DHRSX: variants seen among roughly 807,000 people sequenced by gnomAD.
DHRSX encodes the protein polyprenol dehydrogenase.
A neutral mutation model predicts 34.0 loss-of-function variants in DHRSX; 31 were observed. The ratio of observed to expected loss-of-function variants is 0.91; its 90% confidence interval spans 0.69 to 1.23. The LOEUF is 1.23. Among genes scored for constraint, DHRSX ranks in the 50% most tolerant of loss-of-function variants. The pLI is 0.00. For missense variants in DHRSX, 414 were observed against 428.1 expected (o/e 0.97, Z 0.29); for synonymous variants, 201 against 183.8 (o/e 1.09, Z -0.76).
chrX:2,291,721 C>G lies in DHRSX; in HGVS notation c.287-118G>C, dbSNP rs1029749722. On this transcript the variant is annotated intron_variant, in intron 3 of 6. Coordinates refer to ENST00000334651, the MANE Select transcript of DHRSX (RefSeq NM_145177.3). ...CTAGGAAGTAACACTTTTTTTTTTT[C>G]TGCTCTTTTTGAGATGGAGTCTCGC... 7.1e-6 allele frequency: 5 copies of G among 702,752 alleles called. No individual in the cohort carries two copies. The Admixed American group carries it at 1.1e-4, about 16-fold the overall frequency. 43.5% of individuals were successfully genotyped at this position (702,752 alleles called of 1,614,324 possible).
intron 3 of DHRSX, among the ~76,000 whole-genome samples, chrX:2,301,305 T>G (rs1287523744): frequency 2.6e-5 from 4 of 152,114 alleles, no homozygotes; most frequent in African/African-American, 9.7e-5. Context: ...TCCCAGCTAC[T>G]TGGGAGACTG....
At chrX:2,444,128 T>C (rs777342564) in intron 1 of DHRSX, among the ~76,000 whole-genome samples, 48 of 152,232 alleles carry the variant, frequency 3.2e-4, no homozygotes, top group African/African-American at 1.1e-3. Context: ...ATCTAAAATC[T>C]GCTTATTCCA....
intron 2 of DHRSX, among the ~76,000 whole-genome samples, chrX:2,423,802 C>G (rs188582775): frequency 1.9e-4 from 29 of 152,114 alleles, no homozygotes; most frequent in South Asian, 1.7e-3. Context: ...CCTCATATTC[C>G]CAGTTGAAGG....
Position 2,272,232 on chromosome X carries a change from C to T in DHRSX, c.389-5285G>A, listed in dbSNP as rs562006243. On this transcript the variant is annotated intron_variant, in intron 4 of 6. Coordinates refer to ENST00000334651, the MANE Select transcript of DHRSX (RefSeq NM_145177.3). ...TTTGATGAACTATAAACATCTTTTT[C>T]ACGATGCCATTTTCCTCATATTTTA... Among the ~76,000 whole-genome samples the T allele has an allele frequency of 5.3e-5, 8 of 152,164 alleles. 1 individual carries two copies. Among genetic ancestry groups the T allele is most frequent in the African/African-American group, 1.9e-4 (8 of 41,516 alleles).
At chrX:2,336,854 T>C (rs1435786567) in intron 3 of DHRSX, among the ~76,000 whole-genome samples, 6 of 151,836 alleles carry the variant, frequency 4.0e-5, no homozygotes, top group Admixed American at 6.6e-5. Flanking sequence ...TAGATATAGA[T>C]AGATAGATTT....
intron 3 of DHRSX, among the ~76,000 whole-genome samples, chrX:2,363,088 C>T (rs1365080836): frequency 7.3e-5 from 10 of 137,836 alleles, no homozygotes; most frequent in African/African-American, 2.2e-4. Context: ...ATTTTATCAC[C>T]GTTCTATGGT....
At chrX:2,249,757 C>G (rs1360986989) in intron 5 of DHRSX, among the ~76,000 whole-genome samples, 1 of 151,708 alleles carries the variant, frequency 6.6e-6, no homozygotes, top group Non-Finnish European at 1.5e-5. Flanking sequence ...CTCCTGACTT[C>G]AAGTGAACCG....
intron 6 of DHRSX, among the ~76,000 whole-genome samples, chrX:2,231,943 C>T (rs1178520626): frequency 6.7e-6 from 1 of 148,430 alleles, no homozygotes; most frequent in Non-Finnish European, 1.5e-5. Flanking sequence ...TTCCTCTTCT[C>T]TCCTCCTTCT....
In DHRSX at chrX:2,249,513, C is replaced by CTTTTT. The variant is rs753035485; in HGVS notation, c.597-6288_597-6284dup. ...CCACCACGCTCAGCCCTTTTTGTGC[C>CTTTTT]TTTTTTTTTTTTTTTTTTTTTTTTT... On this transcript the variant is annotated intron_variant, in intron 5 of 6. Transcript: ENST00000334651. Among the ~76,000 whole-genome samples, 72 of 70,190 alleles carry CTTTTT rather than the reference C, an allele frequency of 1.0e-3. 5 individuals are homozygous for CTTTTT. The highest frequency in any genetic ancestry group is 3.2e-3 in the African/African-American group (67 of 21,064). The allele number at this position is 70,190 out of a possible 152,430, so 46.0% of individuals were successfully genotyped here.
chrX:2,454,777 G>A (rs1437110184), intron 1 of DHRSX, among the ~76,000 whole-genome samples: 1 of 152,082 alleles, frequency 6.6e-6, no homozygotes, highest in African/African-American at 2.4e-5. Context: ...GATAAAGAAA[G>A]GTGGGAGCAT....
intron 5 of DHRSX, among the ~76,000 whole-genome samples, chrX:2,252,954 G>A (rs1031058528): frequency 2.0e-5 from 3 of 152,214 alleles, no homozygotes; most frequent in Admixed American, 1.3e-4. Flanking sequence ...GGGACACTAA[G>A]GCAGGCAGGT....
intron 3 of DHRSX, among the ~76,000 whole-genome samples, chrX:2,407,013 C>T (rs1230045259): frequency 6.6e-6 from 1 of 152,108 alleles, no homozygotes; most frequent in Non-Finnish European, 1.5e-5. Flanking sequence ...ATGGAAACAA[C>T]CTAGGTGTCC....
chrX:2,259,217 G>A (rs1419816806), intron 5 of DHRSX, among the ~76,000 whole-genome samples: 1 of 151,316 alleles, frequency 6.6e-6, no homozygotes, highest in Non-Finnish European at 1.5e-5. Context: ...AGGTTGCAGT[G>A]AGCCGAGATC....
chrX:2,438,654 C>CAAGA (rs1436608081), intron 1 of DHRSX, among the ~76,000 whole-genome samples: 5 of 130,694 alleles, frequency 3.8e-5, no homozygotes, highest in Non-Finnish European at 6.3e-5. Flanking sequence ...GGGGACAGAG[C>CAAGA]AAGACTCCAT....
At chrX:2,288,862 T>C (rs190413325) in intron 4 of DHRSX, among the ~76,000 whole-genome samples, 3 of 152,322 alleles carry the variant, frequency 2.0e-5, no homozygotes, top group African/African-American at 7.2e-5. Flanking sequence ...TTTTTGTTTG[T>C]TTCTGAGAGC....
rs966476655 is a variant in DHRSX at position 2,251,600 on chromosome X, G to A, written c.597-8370C>T. The stretch of plus-strand genomic sequence containing the variant: ...GACGCATCAAGTGATAAATGACCCT[G>A]TCCCCTTTGTTCGCTGTACTCTCCT... On this transcript the variant is annotated intron_variant, in intron 5 of 6. Coordinates refer to ENST00000334651, the MANE Select transcript of DHRSX (RefSeq NM_145177.3). 2.0e-5 allele frequency among the ~76,000 whole-genome samples: 3 copies of A among 152,252 alleles called. No homozygotes were observed. In the South Asian group the frequency reaches 6.2e-4, roughly 32 times the overall value.
At chrX:2,257,113 G>A (rs1232445922) in intron 5 of DHRSX, among the ~76,000 whole-genome samples, 1 of 152,020 alleles carries the variant, frequency 6.6e-6, no homozygotes, top group Non-Finnish European at 1.5e-5. Flanking sequence ...GCACCCCCAC[G>A]CCCAGCTAAT....
intron 1 of DHRSX, among the ~76,000 whole-genome samples, chrX:2,453,112 A>T (rs1191807061): frequency 6.6e-6 from 1 of 152,216 alleles, no homozygotes; most frequent in Non-Finnish European, 1.5e-5. Flanking sequence ...GTGAAATGAA[A>T]CAGGCACAGA....
At chrX:2,387,908 A>AAG (rs1380219635) in intron 3 of DHRSX, among the ~76,000 whole-genome samples, 1 of 148,852 alleles carries the variant, frequency 6.7e-6, no homozygotes, top group Non-Finnish European at 1.5e-5. Context: ...CCCCTGCAAA[A>AAG]AAAAAAAAAA....
Sources: allele counts gnomAD v4.1 joint callset (sites outside exome capture counted in the v4.1 genomes callset), GRCh38; gene constraint gnomAD v4.1.1; transcripts MANE v1.5; gene names NCBI Gene and HGNC (gene_info 2026-07-23, HGNC 2026-07-21).